Variants in NCKAP5 observed in about 807,000 individuals in gnomAD.
NCKAP5 encodes the protein nck-associated protein 5.
NCKAP5 carries 92 observed loss-of-function variants against 167.0 expected under a neutral mutation model. The ratio of observed to expected loss-of-function variants is 0.55; its 90% confidence interval spans 0.47 to 0.66. NCKAP5 has a LOEUF of 0.66. Among genes scored for constraint, NCKAP5 ranks in the 30% least tolerant of loss-of-function variants. The pLI is 0.00. For synonymous variants in NCKAP5, 891 were observed against 877.4 expected, an observed-to-expected ratio of 1.02 and a Z score of -0.27; for missense variants, 2,378 against 2,315.0, an observed-to-expected ratio of 1.03 and a Z score of -0.56.
the NCKAP5 span, among the ~76,000 whole-genome samples, chr2:133,659,065 A>C: frequency 6.6e-6 from 1 of 152,140 alleles, no homozygotes; most frequent in African/African-American, 2.4e-5. Flanking sequence ...ATGACCTGGC[A>C]TATAGTAGAT....
chr2:132,755,921 T>C (rs1235668163), intron 16 of NCKAP5, among the ~76,000 whole-genome samples: 1 of 151,578 alleles, frequency 6.6e-6, no homozygotes, highest in Non-Finnish European at 1.5e-5. Flanking sequence ...GAGTTCCTGC[T>C]AGCACCTGGA....
intron 11 of NCKAP5, among the ~76,000 whole-genome samples, chr2:132,852,092 G>A (rs1689122524): frequency 6.6e-6 from 1 of 152,094 alleles, no homozygotes; most frequent in South Asian, 2.1e-4. Context: ...TCTGTCCCTT[G>A]CATTTCCAAA....
chr2:133,197,413 G>A (rs1458637977), intron 5 of NCKAP5, among the ~76,000 whole-genome samples: 1 of 152,188 alleles, frequency 6.6e-6, no homozygotes, highest in Non-Finnish European at 1.5e-5. Context: ...CTGGCCAATT[G>A]CCAGCTAAAA....
intron 1 of NCKAP5, among the ~76,000 whole-genome samples, chr2:133,561,814 T>C (rs1688176890): frequency 6.6e-6 from 1 of 152,196 alleles, no homozygotes; most frequent in Non-Finnish European, 1.5e-5. Context: ...ATTTGACATA[T>C]ATGTCAACGG....
intron 19 of NCKAP5, among the ~76,000 whole-genome samples, chr2:132,677,476 C>A (rs1190297704): frequency 1.3e-5 from 2 of 152,054 alleles, no homozygotes. Context: ...ATGTGACCAG[C>A]TTTGTGCAAA....
intron 4 of NCKAP5, among the ~76,000 whole-genome samples, chr2:133,302,835 G>T (rs1680492154): frequency 6.6e-6 from 1 of 151,462 alleles, no homozygotes; most frequent in Admixed American, 6.6e-5. Context: ...AAATCTTGAA[G>T]CAAGCAAGGA....
chr2:132,756,338 A>G (rs1680551395), intron 16 of NCKAP5, among the ~76,000 whole-genome samples: 1 of 152,210 alleles, frequency 6.6e-6, no homozygotes, highest in Non-Finnish European at 1.5e-5. Flanking sequence ...AAGTTCAGGT[A>G]GTACACCTAC....
chr2:132,678,649 C>T (rs1684810760), intron 19 of NCKAP5, among the ~76,000 whole-genome samples: 1 of 152,112 alleles, frequency 6.6e-6, no homozygotes, highest in Non-Finnish European at 1.5e-5. Flanking sequence ...TCATTTAATC[C>T]TGACAGCAAG....
chr2:132,827,687 T>G (rs1296848791), intron 11 of NCKAP5, among the ~76,000 whole-genome samples: 1 of 152,136 alleles, frequency 6.6e-6, no homozygotes, highest in East Asian at 1.9e-4. Context: ...TTCATCTATG[T>G]GCTATAAAAA....
the NCKAP5 span, among the ~76,000 whole-genome samples, chr2:133,617,378 C>T: frequency 4.1e-4 from 62 of 150,136 alleles, 1 homozygote; most frequent in African/African-American, 1.2e-3. Flanking sequence ...TGTTTGCAGA[C>T]GACATGATTG....
chr2:132,851,890 A>C (rs6430377), intron 11 of NCKAP5, among the ~76,000 whole-genome samples: 93,835 of 151,994 alleles, frequency 0.62, 29,927 homozygotes, highest in East Asian at 0.92. Context: ...ATTGCTTTTC[A>C]TTTCTGGAAA....
chr2:133,597,673 C>CAAAAAAAAAAAAAAAAAA, the NCKAP5 span, among the ~76,000 whole-genome samples: 16 of 61,104 alleles, frequency 2.6e-4, no homozygotes, highest in African/African-American at 8.0e-4. Flanking sequence ...GACTCTGTCT[C>CAAAAAAAAAAAAAAAAAA]AAAAAAAAAA....
At chr2:132,913,028 A>T (rs1042492866) in intron 8 of NCKAP5, among the ~76,000 whole-genome samples, 15 of 152,124 alleles carry the variant, frequency 9.9e-5, no homozygotes, top group African/African-American at 3.6e-4. Context: ...CTGCCCTCAA[A>T]CTACTACGGT....
At position 132,800,570 on chromosome 2, in the gene NCKAP5, CT is replaced by C. The variant is rs1301998193; in HGVS notation, c.808-3842del. The stretch of plus-strand genomic sequence containing the variant: ...TTTGACGGTGACAGTCTAACCCTCC[CT>C]GTCAGGCTGGCTTCGCTGTCTCTGG... On this transcript the variant is annotated intron_variant, in intron 11 of 19. Coordinates refer to ENST00000409261, the MANE Select transcript of NCKAP5 (RefSeq NM_207363.3). Among the ~76,000 whole-genome samples, 11 of 152,282 alleles carry C rather than the reference CT, an allele frequency of 7.2e-5. No individual in the cohort carries two copies. The East Asian group carries it at 2.1e-3, about 29-fold the overall frequency.
At chr2:132,683,386 T>C (rs1281163426) in intron 19 of NCKAP5, among the ~76,000 whole-genome samples, 1 of 152,172 alleles carries the variant, frequency 6.6e-6, no homozygotes, top group Non-Finnish European at 1.5e-5. Context: ...ATTGGTTACT[T>C]TGGCAACAGC....
chr2:133,146,357 G>C (rs924891373), intron 5 of NCKAP5, among the ~76,000 whole-genome samples: 4 of 151,682 alleles, frequency 2.6e-5, no homozygotes, highest in African/African-American at 9.7e-5. Flanking sequence ...GGAGGGAAGG[G>C]GTGGTATAAC....
intron 2 of NCKAP5, among the ~76,000 whole-genome samples, chr2:133,547,183 G>T (rs936121419): frequency 1.3e-5 from 2 of 152,182 alleles, no homozygotes; most frequent in Non-Finnish European, 2.9e-5. Context: ...CTTAAAAAAC[G>T]GCGCGCCACG....
intron 3 of NCKAP5, among the ~76,000 whole-genome samples, chr2:133,491,521 A>G (rs1161127307): frequency 6.6e-6 from 1 of 152,220 alleles, no homozygotes; most frequent in Non-Finnish European, 1.5e-5. Context: ...CAGGAACAGC[A>G]GAGGGCAATG....
chr2:133,613,640 T>C, the NCKAP5 span, among the ~76,000 whole-genome samples: 1 of 152,186 alleles, frequency 6.6e-6, no homozygotes, highest in Non-Finnish European at 1.5e-5. Flanking sequence ...TCCAGAGGCA[T>C]CTGTGCCATT....
Sources: gnomAD v4.1 joint callset for allele counts (sites outside exome capture counted in the v4.1 genomes callset) on GRCh38, gnomAD v4.1.1 for gene constraint, MANE v1.5 for transcripts, NCBI Gene and HGNC (gene_info 2026-07-23, HGNC 2026-07-21) for gene names.